Variants in PLEKHA6 observed in about 807,000 individuals in gnomAD.
PLEKHA6 encodes pleckstrin homology domain containing A6.
PLEKHA6 carries 60 observed loss-of-function variants against 116.7 expected under a neutral mutation model. The ratio of observed to expected loss-of-function variants is 0.51; its 90% CI spans 0.42 to 0.64. The LOEUF is 0.64. PLEKHA6 is among the 30% of genes least tolerant of loss of function. The probability of loss-of-function intolerance (pLI) is 0.00; values close to 1 mark genes in which losing one functional copy is unlikely to be tolerated. For synonymous variants in PLEKHA6, 489 were observed against 556.1 expected (o/e 0.88, Z 1.70); for missense variants, 1,338 against 1,422.7 (o/e 0.94, Z 0.96).
chr1:204,331,117 T>C (rs536277149), intron 1 of PLEKHA6, among the ~76,000 whole-genome samples: 1 of 150,968 alleles, frequency 6.6e-6, no homozygotes, highest in East Asian at 1.9e-4. Flanking sequence ...GGAGAATCAC[T>C]TGAACCAAGG....
upstream of PLEKHA6, among the ~76,000 whole-genome samples, chr1:204,363,212 A>T (rs1399305431): frequency 6.6e-6 from 1 of 152,026 alleles, no homozygotes; most frequent in Admixed American, 6.5e-5. Flanking sequence ...AATCCCAGAG[A>T]CCCAGCACAG....
intron 1 of PLEKHA6, among the ~76,000 whole-genome samples, chr1:204,338,931 A>T (rs1008127176): frequency 6.6e-6 from 1 of 152,178 alleles, no homozygotes. Flanking sequence ...GTTCCCTCCC[A>T]TTGGGAAGTG....
rs183768319 is a variant in PLEKHA6 at position 204,238,023 on chromosome 1, G to C, written c.2409+3352C>G. Among the ~76,000 whole-genome samples, 75 of 152,320 alleles carry C rather than the reference G, an allele frequency of 4.9e-4. No individual in the cohort carries two copies. Among genetic ancestry groups the C allele is most frequent in the Admixed American group, 1.9e-3 (29 of 15,300 alleles). ...TTGAGATATTCCTTCTAAGGCGAAG[G>C]ATATGTTGCTGCATTTGGCCCCTCC... On this transcript the variant is annotated intron_variant, in intron 17 of 22. Transcript: ENST00000272203. This position sits in a 1 kb window ranked among gnomAD's most constrained non-coding sequence, Gnocchi z 4.2.
intron 12 of PLEKHA6, among the ~76,000 whole-genome samples, chr1:204,247,824 G>A (rs994413820): frequency 6.6e-6 from 1 of 152,022 alleles, no homozygotes; most frequent in African/African-American, 2.4e-5. Context: ...GCATGGTGGC[G>A]CACCCCTGTA....
intron 9 of PLEKHA6, among the ~76,000 whole-genome samples, chr1:204,255,364 T>A (rs987175010): frequency 6.6e-6 from 1 of 152,314 alleles, no homozygotes; most frequent in African/African-American, 2.4e-5. Flanking sequence ...CCATCTGAGC[T>A]GAGCACTGGA....
Position 204,257,594 on chromosome 1 carries a change from G to C in PLEKHA6, c.1283C>G (p.Ser428Cys). ...CTCATCATAATAGACTGGCTGCCGG[G>C]AGGGGCTTGGGATCCAGACGGTGGC... ...QDATVWIPSP[S>C]RQPVYYDELD... Residue 428 changes from serine (S) to cysteine (C), a missense_variant, in exon 9 of 23, where the codon TCC becomes TGC. Ser to Cys is a moderately radical substitution (Grantham distance 112). Transcript: ENST00000272203. The surrounding 1 kb of genome is among the most constrained non-coding windows in gnomAD (Gnocchi z 6.5). The C allele has an allele frequency of 1.2e-6, 2 of 1,609,250 alleles. No individual in the cohort carries two copies. The highest frequency in any genetic ancestry group is 1.1e-5 in the South Asian group (1 of 90,250).
chr1:204,352,324 A>G (rs1673305681), intron 1 of PLEKHA6, among the ~76,000 whole-genome samples: 1 of 151,474 alleles, frequency 6.6e-6, no homozygotes, highest in South Asian at 2.1e-4. Flanking sequence ...GCAGTGAGCC[A>G]AGATCGCACC....
At chr1:204,308,738 G>A (rs975042260) in intron 1 of PLEKHA6, among the ~76,000 whole-genome samples, 1 of 123,628 alleles carries the variant, frequency 8.1e-6, no homozygotes, top group African/African-American at 3.2e-5. Flanking sequence ...GCCCAGGCTG[G>A]AGTGCAGTGG....
At chr1:204,224,321 G>T (rs1006836008) in intron 21 of PLEKHA6, among the ~76,000 whole-genome samples, 1 of 151,898 alleles carries the variant, frequency 6.6e-6, no homozygotes, top group African/African-American at 2.4e-5. Context: ...TATTACTGGG[G>T]ACAAGCTCTA....
chr1:204,349,365 C>G (rs983253860), intron 1 of PLEKHA6, among the ~76,000 whole-genome samples: 1 of 152,004 alleles, frequency 6.6e-6, no homozygotes, highest in African/African-American at 2.4e-5. Flanking sequence ...ATGGCGAAAC[C>G]CCGTCTCTAC....
intron 12 of PLEKHA6, among the ~76,000 whole-genome samples, chr1:204,248,107 C>T (rs571536576): frequency 2.7e-5 from 4 of 149,242 alleles, no homozygotes; most frequent in South Asian, 4.3e-4. Flanking sequence ...CAGTCTGTGT[C>T]GGAAGGTCTG....
intron 1 of PLEKHA6, among the ~76,000 whole-genome samples, chr1:204,311,208 A>G (rs1255105646): frequency 6.6e-6 from 1 of 152,194 alleles, no homozygotes; most frequent in East Asian, 1.9e-4. Flanking sequence ...GTGCTGTTAG[A>G]AAGTTCTGCG....
intron 1 of PLEKHA6, chr1:204,297,359 G>T (rs981055912): frequency 4.0e-6 from 1 of 250,912 alleles, no homozygotes; most frequent in Non-Finnish European, 6.3e-6. Context: ...AAATTCTACT[G>T]GGTGTAAGGC....
At chr1:204,245,076 T>A in intron 14 of PLEKHA6, 73 bp from the exon 15 acceptor site, 1 of 1,072,592 alleles carries the variant, frequency 9.3e-7, no homozygotes, top group Non-Finnish European at 1.3e-6. Flanking sequence ...GCACTGTGAG[T>A]GGAGGTGGCA....
chr1:204,340,224 C>T (rs1328736998), intron 1 of PLEKHA6, among the ~76,000 whole-genome samples: 1 of 152,056 alleles, frequency 6.6e-6, no homozygotes, highest in Non-Finnish European at 1.5e-5. Flanking sequence ...GTGTTATTCC[C>T]CAGCAGGGTA....
intron 1 of PLEKHA6, among the ~76,000 whole-genome samples, chr1:204,321,074 C>T (rs1166548456): frequency 3.3e-5 from 5 of 152,060 alleles, no homozygotes; most frequent in Admixed American, 1.3e-4. Context: ...GCTGTTGTTT[C>T]GGGTCAGAAT....
rs541835259 is a variant in PLEKHA6, at chr1:204,319,193, C to T, written c.-95+40501G>A. Among the ~76,000 whole-genome samples, 62 of 152,290 alleles carry T rather than the reference C, an allele frequency of 4.1e-4. 1 individual carries two copies. Among genetic ancestry groups the T allele is most frequent in the Admixed American group, 3.9e-4 (6 of 15,302 alleles). On this transcript the variant is annotated intron_variant, in intron 1 of 22. Transcript: ENST00000272203. ...AACTGTGGAATCACTCTCCTTTCCCCGTGAGGCGCCCACAGTCCTTTCCTG... is the reference window on the plus strand; with the variant it reads ...AACTGTGGAATCACTCTCCTTTCCCTGTGAGGCGCCCACAGTCCTTTCCTG...
rs780460043 is a variant in PLEKHA6 at position 204,257,415 on chromosome 1, T to G, written c.1462A>C (p.Ser488Arg). The change falls in exon 9 of 23, where the codon AGT becomes CGT. Residue 488 changes from serine to arginine, a missense_variant. Ser to Arg is a moderately radical substitution (Grantham distance 110). Coordinates refer to ENST00000272203, the MANE Select transcript of PLEKHA6 (RefSeq NM_014935.5). This position sits in a 1 kb window ranked among gnomAD's most constrained non-coding sequence, Gnocchi z 6.5. ...GCAGGGTCAGCATAGATGTCCTCAC[T>G]GCGAGGTGGCAGCCGCTCAAAACGG... is the stretch of plus-strand genomic sequence containing the variant. ...SARFERLPPR[S>R]EDIYADPAAY... The G allele has an allele frequency of 1.9e-6, 3 of 1,564,496 alleles. No individual in the cohort carries two copies. In the African/African-American group the frequency reaches 4.1e-5, roughly 21 times the overall value.
intron 17 of PLEKHA6, among the ~76,000 whole-genome samples, chr1:204,232,961 ATTTTTTAAAATTTATT>A (rs753926522): frequency 2.6e-5 from 4 of 152,008 alleles, no homozygotes; most frequent in Non-Finnish European, 1.5e-5. Context: ...TAAAATTTTT[ATTTTTTAAAATTTATT>A]TTTTAAATAG....
Sources: gnomAD v4.1 joint callset for allele counts (sites outside exome capture counted in the v4.1 genomes callset) on GRCh38, gnomAD v4.1.1 for gene constraint, Gnocchi (gnomAD v3.1) non-coding constraint, MANE v1.5 for transcripts, NCBI Gene and HGNC (gene_info 2026-07-23, HGNC 2026-07-21) for gene names.